Variants in EYS observed in about 807,000 individuals in gnomAD.
The protein encoded by EYS is EGF-like photoreceptor maintenance factor, also known as protein eyes shut homolog.
Under a neutral mutation model 282.1 loss-of-function variants are expected in EYS, and 250 were observed. The observed-to-expected ratio is 0.89, with a 90% CI of 0.80 to 0.98. EYS has a LOEUF of 0.98. Among genes scored for constraint, EYS ranks in the 50% least tolerant of loss-of-function variants. The pLI, the probability that EYS is intolerant of heterozygous loss-of-function variation, is 0.00. For synonymous variants in EYS, 1,355 were observed against 1,282.9 expected (o/e 1.06, Z -1.20); for missense variants, 4,016 against 3,709.0 (o/e 1.08, Z -2.15).
chr6:64,845,568 G>C (rs889246135), intron 19 of EYS, among the ~76,000 whole-genome samples: 24 of 150,976 alleles, frequency 1.6e-4, no homozygotes, highest in Non-Finnish European at 3.1e-4. Context: ...CTACTCCTAG[G>C]CCTTTTCTCT....
In EYS at chr6:64,585,794, G is replaced by T. The variant is rs145215126; in HGVS notation, c.5644+4429C>A. The stretch of plus-strand genomic sequence containing the variant: ...TGCCCTTTCTATTCAACACTTTCTT[G>T]GTTATACTTTTGCACTTTCAAATAA... On this transcript the variant is annotated intron_variant, in intron 26 of 42. Coordinates refer to ENST00000503581, the MANE Select transcript of EYS (RefSeq NM_001142800.2). 4.3e-4 allele frequency among the ~76,000 whole-genome samples: 65 copies of T among 151,838 alleles called. 1 individual carries two copies. Among genetic ancestry groups the T allele is most frequent in the African/African-American group, 1.5e-3 (63 of 41,400 alleles).
chr6:65,271,128 T>TTATACATATATATATATATA (rs1767888254), intron 12 of EYS, among the ~76,000 whole-genome samples: 1 of 55,788 alleles, frequency 1.8e-5, no homozygotes, highest in Non-Finnish European at 3.7e-5. Context: ...AATCAATAGA[T>TTATACATATATATATATATA]TATATATATA....
chr6:65,554,162 C>T (rs541672567), intron 2 of EYS, among the ~76,000 whole-genome samples: 1 of 152,134 alleles, frequency 6.6e-6, no homozygotes, highest in South Asian at 2.1e-4. Context: ...TGTCTTCTAG[C>T]CTCTGGAACT....
intron 11 of EYS, among the ~76,000 whole-genome samples, chr6:65,324,874 G>C (rs1769576522): frequency 2.0e-5 from 3 of 152,196 alleles, no homozygotes; most frequent in Admixed American, 6.5e-5. Flanking sequence ...AAGTGTCAGA[G>C]AGATTTTTGA....
At chr6:64,265,898 C>T (rs1292011355) in intron 30 of EYS, among the ~76,000 whole-genome samples, 4 of 152,044 alleles carry the variant, frequency 2.6e-5, no homozygotes, top group African/African-American at 4.8e-5. Context: ...AAATTATGAC[C>T]ATATCTTTGC....
chr6:65,029,495 A>G (rs1156962685), intron 13 of EYS, among the ~76,000 whole-genome samples: 1 of 152,114 alleles, frequency 6.6e-6, no homozygotes, highest in African/African-American at 2.4e-5. Flanking sequence ...ACATGGGTCT[A>G]TTTATATGCA....
At chr6:65,609,785 T>A (rs1190498831) in intron 2 of EYS, among the ~76,000 whole-genome samples, 2 of 152,188 alleles carry the variant, frequency 1.3e-5, no homozygotes, top group African/African-American at 4.8e-5. Flanking sequence ...ATAATATGAA[T>A]ATGTATCATG....
At chr6:65,491,471 CTT>C (rs1766040354) in intron 4 of EYS, 1 of 335,562 alleles carries the variant, frequency 3.0e-6, no homozygotes, top group Non-Finnish European at 6.0e-6. Context: ...TAATTAAGCT[CTT>C]AATTTAATTT....
intron 37 of EYS, among the ~76,000 whole-genome samples, chr6:63,795,113 C>A (rs1770611848): frequency 6.6e-6 from 1 of 152,156 alleles, no homozygotes. Context: ...AAAGAAAAGT[C>A]ATAACAACTC....
At chr6:64,471,283 A>G (rs1033761207) in intron 26 of EYS, among the ~76,000 whole-genome samples, 5 of 152,182 alleles carry the variant, frequency 3.3e-5, no homozygotes, top group Non-Finnish European at 7.4e-5. Context: ...CATCAAGATT[A>G]GAAAAGAGGA....
chr6:64,645,960 G>A (rs145679455), intron 22 of EYS, among the ~76,000 whole-genome samples: 1 of 152,094 alleles, frequency 6.6e-6, no homozygotes. Flanking sequence ...ATCTTTTAAT[G>A]TTTCTGCTAA....
At chr6:64,344,816 A>G (rs1276508149) in intron 29 of EYS, among the ~76,000 whole-genome samples, 1 of 152,136 alleles carries the variant, frequency 6.6e-6, no homozygotes, top group Non-Finnish European at 1.5e-5. Context: ...TCTCAGCCCA[A>G]AATCTCTTTA....
At chr6:64,606,927 C>G (rs1486184473) in intron 24 of EYS, among the ~76,000 whole-genome samples, 2 of 152,040 alleles carry the variant, frequency 1.3e-5, no homozygotes, top group Non-Finnish European at 2.9e-5. Context: ...GTCAGTATCC[C>G]TGAGCTGCAT....
intron 12 of EYS, among the ~76,000 whole-genome samples, chr6:65,105,505 T>C (rs1403806989): frequency 2.6e-5 from 4 of 151,982 alleles, no homozygotes; most frequent in Non-Finnish European, 5.9e-5. Flanking sequence ...TTAATTTTTA[T>C]TTAAGTATTT....
At chr6:65,557,517 A>C (rs1768863717) in intron 2 of EYS, among the ~76,000 whole-genome samples, 1 of 152,234 alleles carries the variant, frequency 6.6e-6, no homozygotes, top group Non-Finnish European at 1.5e-5. Context: ...CTGAGAGCTC[A>C]AAGATGCCAG....
At chr6:64,551,875 C>T (rs1282977475) in intron 26 of EYS, among the ~76,000 whole-genome samples, 2 of 152,158 alleles carry the variant, frequency 1.3e-5, no homozygotes, top group African/African-American at 2.4e-5. Context: ...CCTGTTGTTT[C>T]CTGACTTTTT....
At chr6:65,600,464 T>C (rs1482335886) in intron 2 of EYS, among the ~76,000 whole-genome samples, 1 of 152,038 alleles carries the variant, frequency 6.6e-6, no homozygotes, top group Non-Finnish European at 1.5e-5. Context: ...AAATTAAATG[T>C]CAACTATTAA....
At chr6:63,730,642 T>A (rs1768759840) in intron 41 of EYS, among the ~76,000 whole-genome samples, 1 of 152,240 alleles carries the variant, frequency 6.6e-6, no homozygotes, top group South Asian at 2.1e-4. Context: ...TACTACTGGA[T>A]TTGTCATAGT....
intron 2 of EYS, among the ~76,000 whole-genome samples, chr6:65,568,809 T>C (rs1764372773): frequency 2.6e-5 from 4 of 152,152 alleles, no homozygotes; most frequent in Admixed American, 2.6e-4. Context: ...AATTGAAGAA[T>C]TAGAGACAAA....
Sources: gnomAD v4.1 joint callset for allele counts (sites outside exome capture counted in the v4.1 genomes callset) on GRCh38, gnomAD v4.1.1 for gene constraint, MANE v1.5 for transcripts, NCBI Gene and HGNC (gene_info 2026-07-23, HGNC 2026-07-21) for gene names.